KALRN: variants seen among roughly 807,000 people sequenced by gnomAD.
KALRN encodes the protein kalirin RhoGEF kinase, also known as kalirin.
In KALRN, 70 loss-of-function variants were observed where a neutral mutation model predicts 353.7. The ratio of observed to expected loss-of-function variants is 0.20; its 90% CI spans 0.16 to 0.24. The LOEUF is 0.24. KALRN is among the 10% of genes least tolerant of loss of function. KALRN has a pLI of 1.00. For synonymous variants in KALRN, 1,391 were observed against 1,434.8 expected (o/e 0.97, Z 0.69); for missense variants, 2,791 against 3,756.7 (o/e 0.74, Z 6.72).
At chr3:124,525,059 T>G (rs2067471931) in intron 33 of KALRN, among the ~76,000 whole-genome samples, 1 of 152,188 alleles carries the variant, frequency 6.6e-6, no homozygotes, top group African/African-American at 2.4e-5. Context: ...TTGAAACCTG[T>G]TTTTACTGGT....
intron 56 of KALRN, 41 bp from the exon 57 acceptor site, chr3:124,701,997 G>T: frequency 6.7e-7 from 1 of 1,494,178 alleles, no homozygotes; most frequent in South Asian, 1.1e-5. Context: ...ATTCTTATAT[G>T]ACATCCTCGA....
At chr3:124,694,132 C>A (rs1272712380) in intron 52 of KALRN, among the ~76,000 whole-genome samples, 200 bp from the exon 53 acceptor site, 1 of 152,054 alleles carries the variant, frequency 6.6e-6, no homozygotes, top group Non-Finnish European at 1.5e-5. Context: ...GTTTATATTT[C>A]CTATTTTTTT....
At chr3:124,213,750 T>C (rs1280020375) in intron 1 of KALRN, among the ~76,000 whole-genome samples, 2 of 152,134 alleles carry the variant, frequency 1.3e-5, no homozygotes, top group Admixed American at 6.6e-5. Context: ...TAATGAAAAA[T>C]GGAGTTTTCT....
chr3:124,320,012 A>AATG (rs2079166860), intron 6 of KALRN, among the ~76,000 whole-genome samples: 1 of 151,992 alleles, frequency 6.6e-6, no homozygotes, highest in South Asian at 2.1e-4. Context: ...TAATAATAAT[A>AATG]ATAAGCACTC....
intron 34 of KALRN, among the ~76,000 whole-genome samples, chr3:124,585,664 T>G (rs920739123): frequency 3.9e-5 from 6 of 152,176 alleles, no homozygotes; most frequent in African/African-American, 1.4e-4. Flanking sequence ...AATCAGAACC[T>G]TCCCAAATAG....
At chr3:124,578,637 C>T (rs144881129) in intron 34 of KALRN, among the ~76,000 whole-genome samples, 21 of 152,220 alleles carry the variant, frequency 1.4e-4, no homozygotes, top group East Asian at 1.2e-3. Context: ...GGCTTGGTGA[C>T]GCTTGCCTGT....
intron 1 of KALRN, among the ~76,000 whole-genome samples, chr3:124,102,347 T>C (rs2061943267): frequency 1.3e-5 from 2 of 152,166 alleles, no homozygotes; most frequent in Admixed American, 6.5e-5. Context: ...GTGCTTTCTC[T>C]TGAAATGCCC....
chr3:124,149,263 G>A (rs1394422816), intron 1 of KALRN, among the ~76,000 whole-genome samples: 1 of 152,186 alleles, frequency 6.6e-6, no homozygotes, highest in Non-Finnish European at 1.5e-5. Context: ...CCTGTCTGTA[G>A]CAAAGTCTGC....
chr3:124,416,151 C>T (rs2092481269), intron 14 of KALRN, among the ~76,000 whole-genome samples: 1 of 152,190 alleles, frequency 6.6e-6, no homozygotes, highest in African/African-American at 2.4e-5. Context: ...GATGCTCACC[C>T]TTCATCTCTC....
At chr3:124,424,380 C>T (rs1668094580) in intron 15 of KALRN, among the ~76,000 whole-genome samples, 1 of 152,066 alleles carries the variant, frequency 6.6e-6, no homozygotes, top group African/African-American at 2.4e-5. Flanking sequence ...GAGCCAAAAA[C>T]ATCTTATTTT....
intron 33 of KALRN, among the ~76,000 whole-genome samples, chr3:124,504,097 T>A (rs556236646): frequency 1.3e-5 from 2 of 152,180 alleles, no homozygotes; most frequent in African/African-American, 4.8e-5. Flanking sequence ...CGCATAAAAA[T>A]TTGTTTCAGG....
At position 124,557,708 on chromosome 3, in the gene KALRN, A is replaced by G. The variant is rs566886083; in HGVS notation, c.4936-5135A>G. On this transcript the variant is annotated intron_variant, in intron 33 of 59. Transcript: ENST00000682506. ...AGAGTTGTGGAGGAATCAGATGATC[A>G]GATGGAAGAAGTTGCAGGGCAGGCA... Among the ~76,000 whole-genome samples, 428 of 152,338 alleles carry G rather than the reference A, an allele frequency of 2.8e-3. 2 individuals are homozygous for G. The highest frequency in any genetic ancestry group is 4.6e-3 in the Admixed American group (71 of 15,298).
intron 6 of KALRN, among the ~76,000 whole-genome samples, chr3:124,313,817 A>C (rs2078529427): frequency 6.6e-6 from 1 of 152,242 alleles, no homozygotes; most frequent in Non-Finnish European, 1.5e-5. Flanking sequence ...AAATAAGCCA[A>C]TTGACATTAG....
chr3:124,651,638 T>C (rs914334354), intron 38 of KALRN, among the ~76,000 whole-genome samples: 6 of 19,866 alleles, frequency 3.0e-4, no homozygotes, highest in African/African-American at 2.2e-3. Flanking sequence ...CTTTTCTATC[T>C]TTTTTTTTTT....
intron 33 of KALRN, among the ~76,000 whole-genome samples, chr3:124,544,287 G>A (rs185942092): frequency 3.9e-5 from 6 of 152,318 alleles, no homozygotes; most frequent in Non-Finnish European, 8.8e-5. Context: ...GGGGCCAGGT[G>A]CAGTGGCTCA....
chr3:124,712,882 A>T, intron 57 of KALRN, 53 bp from the exon 58 acceptor site: 1 of 1,320,046 alleles, frequency 7.6e-7, no homozygotes, highest in African/African-American at 1.5e-5. Context: ...CATGAATAAA[A>T]TATATCTAGT....
At chr3:124,532,071 C>T (rs2068089527) in intron 33 of KALRN, among the ~76,000 whole-genome samples, 1 of 152,164 alleles carries the variant, frequency 6.6e-6, no homozygotes, top group African/African-American at 2.4e-5. Context: ...TTATATTATT[C>T]ATATGCTAAC....
At chr3:124,099,791 A>T (rs188872835) in intron 1 of KALRN, among the ~76,000 whole-genome samples, 2 of 152,102 alleles carry the variant, frequency 1.3e-5, no homozygotes, top group Non-Finnish European at 2.9e-5. Context: ...TGTGGTTTTG[A>T]TAGCATTTCC....
intron 9 of KALRN, among the ~76,000 whole-genome samples, chr3:124,340,711 T>C (rs1293490138): frequency 6.6e-6 from 1 of 152,074 alleles, no homozygotes; most frequent in Non-Finnish European, 1.5e-5. Flanking sequence ...TCCCAGCACT[T>C]TGGGAGGCAA....
Sources: allele counts gnomAD v4.1 joint callset (sites outside exome capture counted in the v4.1 genomes callset), GRCh38; gene constraint gnomAD v4.1.1; transcripts MANE v1.5; gene names NCBI Gene and HGNC (gene_info 2026-07-23, HGNC 2026-07-21).